TYW1: variants seen among roughly 807,000 people sequenced by gnomAD.
TYW1 encodes tRNA-yW synthesizing protein 1 homolog, also known as S-adenosyl-L-methionine-dependent tRNA 4-demethylwyosine synthase TYW1.
TYW1 carries 46 observed loss-of-function variants against 96.2 expected under a neutral mutation model. That is an observed-to-expected ratio of 0.48 (90% CI 0.38 to 0.61). The LOEUF is 0.61. TYW1 is among the 20% of genes least tolerant of loss of function. TYW1 has a pLI of 0.00. For missense variants in TYW1, 684 were observed against 909.6 expected, an observed-to-expected ratio of 0.75 and a Z score of 3.19; for synonymous variants, 274 against 323.0, an observed-to-expected ratio of 0.85 and a Z score of 1.63.
chr7:67,060,152 G>A (rs189497763), intron 9 of TYW1, among the ~76,000 whole-genome samples: 3 of 150,948 alleles, frequency 2.0e-5, no homozygotes, highest in East Asian at 2.0e-4. Flanking sequence ...CTTGGCTTAC[G>A]GCAACCTCTG....
chr7:67,171,174 TTTGGTATATAG>T (rs1342864823), intron 13 of TYW1, among the ~76,000 whole-genome samples: 1 of 152,250 alleles, frequency 6.6e-6, no homozygotes, highest in Non-Finnish European at 1.5e-5. Context: ...ATCCACTTTT[TTTGGTATATAG>T]TTGTTCATAG....
chr7:67,222,226 A>G lies in TYW1; in HGVS notation c.1978-16082A>G, dbSNP rs145673835. Among the ~76,000 whole-genome samples, 265 of 152,296 alleles carry G rather than the reference A, an allele frequency of 1.7e-3. 1 individual carries two copies. The highest frequency in any genetic ancestry group is 6.0e-3 in the African/African-American group (250 of 41,580). ...AAATAAAAAGAAAAGAAAAAAATAT[A>G]GAGTTACAAAACAAAGCTGTAACAA... On this transcript the variant is annotated intron_variant, in intron 15 of 15. Transcript: ENST00000359626.
intron 9 of TYW1, among the ~76,000 whole-genome samples, chr7:67,061,077 A>T (rs1172639246): frequency 6.6e-6 from 1 of 152,090 alleles, no homozygotes. Context: ...AAAATACAAA[A>T]GTTAGATGGG....
chr7:66,998,191 C>G lies in TYW1; in HGVS notation c.131C>G (p.Thr44Arg), dbSNP rs147995512. The part of the protein sequence containing the change: ...LWICVQIVIK[T>R]QGKNLQEKSV... ...ATTTGTGTCCAGATTGTCATCAAGA[C>G]GCAGGTAAGTGGAGTTATTTTTTTT... The change falls in exon 2 of 16, where the codon ACG (threonine) becomes AGG (arginine). Residue 44 changes from threonine to arginine, a missense_variant. Coordinates refer to ENST00000359626, the MANE Select transcript of TYW1 (RefSeq NM_018264.4). The G allele has an allele frequency of 2.1e-5, 33 of 1,600,924 alleles. No homozygotes were observed. The highest frequency in any genetic ancestry group is 2.7e-5 in the Non-Finnish European group (32 of 1,176,710).
chr7:67,039,790 GTAGC>G (rs1794958042), intron 7 of TYW1, among the ~76,000 whole-genome samples: 1 of 151,294 alleles, frequency 6.6e-6, no homozygotes, highest in South Asian at 2.1e-4. Context: ...AGCCTCCTGA[GTAGC>G]TGGGACTACA....
intron 13 of TYW1, among the ~76,000 whole-genome samples, chr7:67,139,051 T>G (rs1363017762): frequency 6.6e-6 from 1 of 152,042 alleles, no homozygotes; most frequent in Non-Finnish European, 1.5e-5. Flanking sequence ...TGTAGTTATT[T>G]GTGGATCTTT....
chr7:67,235,555 G>T (rs955329190), intron 15 of TYW1, among the ~76,000 whole-genome samples: 1 of 152,108 alleles, frequency 6.6e-6, no homozygotes, highest in Non-Finnish European at 1.5e-5. Context: ...TCAGTAGAAC[G>T]GGTGGAATTT....
In TYW1 at chr7:67,184,012, TCTCA is replaced by T. The variant is rs1799923874; in HGVS notation, c.1809+779_1809+782del. Among the ~76,000 whole-genome samples the T allele has an allele frequency of 2.6e-5, 4 of 151,964 alleles. No individual in the cohort carries two copies. In the South Asian group the frequency reaches 8.3e-4, roughly 32 times the overall value. ...CTGGCTATTTTTTGTAGCGAGAAGG[TCTCA>T]CTGTTTTGCCCAGGCTGGTCTCAAA... On this transcript the variant is annotated intron_variant, in intron 14 of 15. Transcript: ENST00000359626.
chr7:67,204,780 G>T (rs1800726230), intron 15 of TYW1, among the ~76,000 whole-genome samples: 1 of 151,930 alleles, frequency 6.6e-6, no homozygotes. Flanking sequence ...TTTTATTAGA[G>T]ATGGGGTTTC....
At chr7:67,080,562 G>A (rs1369512611) in intron 10 of TYW1, among the ~76,000 whole-genome samples, 1 of 151,914 alleles carries the variant, frequency 6.6e-6, no homozygotes, top group East Asian at 1.9e-4. Flanking sequence ...ACCACACCTG[G>A]CTAATTTTTG....
intron 13 of TYW1, among the ~76,000 whole-genome samples, chr7:67,155,832 T>C (rs910268799): frequency 4.6e-5 from 7 of 152,334 alleles, no homozygotes; most frequent in Middle Eastern, 3.4e-3. Flanking sequence ...CCTGGTTTAA[T>C]GGTCACTTCT....
chr7:67,139,730 TGTG>T (rs993546701), intron 13 of TYW1, among the ~76,000 whole-genome samples: 1 of 50,998 alleles, frequency 2.0e-5, no homozygotes, highest in Non-Finnish European at 4.3e-5. Flanking sequence ...TGTATACAGG[TGTG>T]TGTGTGTGTG....
intron 13 of TYW1, among the ~76,000 whole-genome samples, chr7:67,149,507 T>C (rs1798723038): frequency 6.6e-6 from 1 of 152,198 alleles, no homozygotes; most frequent in African/African-American, 2.4e-5. Flanking sequence ...GTCTGAGATA[T>C]TGGATTGAAA....
intron 7 of TYW1, among the ~76,000 whole-genome samples, chr7:67,028,583 C>T (rs1202871736): frequency 1.3e-5 from 2 of 152,240 alleles, no homozygotes; most frequent in African/African-American, 4.8e-5. Flanking sequence ...ATAAACATTT[C>T]TCGCCTTTCA....
intron 7 of TYW1, among the ~76,000 whole-genome samples, chr7:67,044,482 G>C (rs1312839803): frequency 6.6e-6 from 1 of 152,154 alleles, no homozygotes. Flanking sequence ...GGAAATAGCT[G>C]TCTGATAGTT....
intron 13 of TYW1, among the ~76,000 whole-genome samples, chr7:67,163,616 C>G (rs191604213): frequency 6.6e-5 from 10 of 151,976 alleles, no homozygotes; most frequent in Admixed American, 1.3e-4. Flanking sequence ...CTACTGAACT[C>G]AAGGCATGTC....
intron 7 of TYW1, among the ~76,000 whole-genome samples, chr7:67,039,636 C>T (rs757742813): frequency 2.6e-4 from 39 of 151,908 alleles, no homozygotes; most frequent in Non-Finnish European, 4.9e-4. Flanking sequence ...GCCCGACAGA[C>T]ATTGAAATGA....
rs529632775 is a variant in TYW1 at position 67,124,713 on chromosome 7, A to G, written c.1698+7095A>G. 2.6e-5 allele frequency among the ~76,000 whole-genome samples: 4 copies of G among 152,346 alleles called. No individual in the cohort carries two copies. The East Asian group carries it at 7.7e-4, about 29-fold the overall frequency. ...TTTCTCAACATTATAATATTATAAT[A>G]ACATTCAACATGGTGTTCAGAGATT... is the stretch of plus-strand genomic sequence containing the variant. On this transcript the variant is annotated intron_variant, in intron 13 of 15. Coordinates refer to ENST00000359626, the MANE Select transcript of TYW1 (RefSeq NM_018264.4).
intron 5 of TYW1, among the ~76,000 whole-genome samples, chr7:67,015,052 A>G (rs1333055290): frequency 2.7e-5 from 4 of 148,148 alleles, no homozygotes; most frequent in Non-Finnish European, 5.9e-5. Flanking sequence ...CCCCAGCTGG[A>G]GTGCAGTGGC....
Sources: allele counts gnomAD v4.1 joint callset (sites outside exome capture counted in the v4.1 genomes callset), GRCh38; gene constraint gnomAD v4.1.1; transcripts MANE v1.5; gene names NCBI Gene and HGNC (gene_info 2026-07-23, HGNC 2026-07-21).